The following ARPP21 variants were observed in gnomAD, a reference collection of about 807,000 sequenced individuals.
ARPP21 encodes cAMP-regulated phosphoprotein 21.
In ARPP21, 69 loss-of-function variants were observed where a neutral mutation model predicts 113.2. The observed-to-expected ratio is 0.61, with a 90% CI of 0.50 to 0.74. The LOEUF (loss-of-function observed/expected upper bound fraction) is 0.74, where lower values mean the gene tolerates loss of function less well. Ranked by LOEUF, ARPP21 falls within the 30% of genes least tolerant of loss-of-function variation. The probability of loss-of-function intolerance (pLI) is 0.00; values close to 1 mark genes in which losing one functional copy is unlikely to be tolerated. For synonymous variants in ARPP21, 368 were observed against 375.5 expected (o/e 0.98, Z 0.23); for missense variants, 1,070 against 1,037.4 (o/e 1.03, Z -0.43).
intron 1 of ARPP21, among the ~76,000 whole-genome samples, chr3:35,674,160 C>A (rs572660516): frequency 6.6e-6 from 1 of 151,978 alleles, no homozygotes; most frequent in Admixed American, 6.6e-5. Flanking sequence ...TAATAATGCC[C>A]AAACAAGAGT....
chr3:35,698,324 G>A (rs1044310923), intron 9 of ARPP21, among the ~76,000 whole-genome samples: 2 of 151,388 alleles, frequency 1.3e-5, no homozygotes, highest in Non-Finnish European at 3.0e-5. Context: ...AGGAACATAA[G>A]TTTGTCGTAT....
At chr3:35,732,809 A>G (rs907065504) in intron 15 of ARPP21, among the ~76,000 whole-genome samples, 17 of 152,174 alleles carry the variant, frequency 1.1e-4, no homozygotes, top group African/African-American at 4.1e-4. Context: ...AATGCTTCTG[A>G]TGGACTTCCA....
chr3:35,656,611 A>G (rs1705062359), intron 1 of ARPP21, among the ~76,000 whole-genome samples: 2 of 152,056 alleles, frequency 1.3e-5, no homozygotes, highest in South Asian at 4.1e-4. Context: ...TCAAAATGAT[A>G]AAACTATCAT....
intron 1 of ARPP21, among the ~76,000 whole-genome samples, chr3:35,674,738 T>C (rs1216509874): frequency 6.6e-6 from 1 of 151,830 alleles, no homozygotes; most frequent in Non-Finnish European, 1.5e-5. Flanking sequence ...GCATAATATT[T>C]AGAAACCCAA....
chr3:35,672,826 C>T (rs770216636), intron 1 of ARPP21, among the ~76,000 whole-genome samples: 11 of 151,998 alleles, frequency 7.2e-5, no homozygotes, highest in Admixed American at 7.2e-4. Context: ...ATAGGACAGG[C>T]AGACAGCTTG....
intron 19 of ARPP21, among the ~76,000 whole-genome samples, chr3:35,764,860 T>C (rs938736667): frequency 6.6e-6 from 1 of 152,130 alleles, no homozygotes; most frequent in Non-Finnish European, 1.5e-5. Flanking sequence ...TAGAGGAATA[T>C]AGAGGAATTT....
chr3:35,775,631 A>G (rs2096339573), intron 19 of ARPP21, among the ~76,000 whole-genome samples: 1 of 152,190 alleles, frequency 6.6e-6, no homozygotes, highest in Admixed American at 6.5e-5. Context: ...GTTTTATTAA[A>G]ACAAAGTTAG....
At chr3:35,701,923 A>T (rs749859339) in intron 9 of ARPP21, among the ~76,000 whole-genome samples, 19 of 151,742 alleles carry the variant, frequency 1.3e-4, no homozygotes, top group Non-Finnish European at 2.2e-4. Context: ...AATACATGCT[A>T]TGAAAGAGCA....
chr3:35,658,978 A>G (rs1459144243), intron 1 of ARPP21, among the ~76,000 whole-genome samples: 2 of 152,200 alleles, frequency 1.3e-5, no homozygotes, highest in African/African-American at 2.4e-5. Flanking sequence ...CTCTATCTTC[A>G]TCAGAGGCAT....
intron 1 of ARPP21, among the ~76,000 whole-genome samples, chr3:35,652,887 T>C (rs1204579778): frequency 6.6e-6 from 1 of 152,036 alleles, no homozygotes; most frequent in Non-Finnish European, 1.5e-5. Flanking sequence ...CTTGGCTTGC[T>C]CTTTCTGCAC....
At chr3:35,681,465 A>G (rs1294095901) in intron 2 of ARPP21, 1 of 290,580 alleles carries the variant, frequency 3.4e-6, no homozygotes, top group Non-Finnish European at 6.5e-6. Flanking sequence ...TGTGTCTCTA[A>G]GATTTGTCGA....
In ARPP21 at chr3:35,690,921, G is replaced by C. The variant is rs764145982; in HGVS notation, c.602G>C (p.Arg201Pro). The C allele has an allele frequency of 1.2e-6, 2 of 1,610,510 alleles. No homozygotes were observed. Among genetic ancestry groups the C allele is most frequent in the Admixed American group, 3.3e-5 (2 of 59,734 alleles). The change falls in exon 9 of 21, where the codon CGA becomes CCA. Residue 201 changes from arginine (R) to proline (P), a missense_variant. Coordinates refer to ENST00000684406, the MANE Select transcript of ARPP21 (RefSeq NM_001385562.1). Reference sequence around the variant, plus strand: ...TCGTATCAGAGGATGCTTGTCCATCGAGTGGCAGCTTATTTTGGATTGGAT... The same window carrying C: ...TCGTATCAGAGGATGCTTGTCCATCCAGTGGCAGCTTATTTTGGATTGGAT... The part of the protein sequence containing the change: ...MSSYQRMLVH[R>P]VAAYFGLDHN...
chr3:35,690,575 C>T (rs944410165), intron 8 of ARPP21, among the ~76,000 whole-genome samples: 9 of 151,440 alleles, frequency 5.9e-5, no homozygotes, highest in African/African-American at 9.7e-5. Flanking sequence ...TGCCTGGCCC[C>T]GTTGATAAGG....
At chr3:35,783,878 G>T (rs1020119907) in intron 19 of ARPP21, among the ~76,000 whole-genome samples, 1 of 152,006 alleles carries the variant, frequency 6.6e-6, no homozygotes, top group East Asian at 1.9e-4. Flanking sequence ...TGCACATGCT[G>T]ATCCTTATGT....
Position 35,657,249 on chromosome 3 carries a change from C to T in ARPP21, c.-213+16851C>T, listed in dbSNP as rs116739149. On this transcript the variant is annotated intron_variant, in intron 1 of 20. Transcript: ENST00000684406. ...TTACCTCCCACATATATGTACACGC[C>T]CTCAGAAATTGCCATCCATTCACAA... 5.6e-3 allele frequency among the ~76,000 whole-genome samples: 858 copies of T among 152,170 alleles called. 6 individuals are homozygous for T. Among genetic ancestry groups the T allele is most frequent in the African/African-American group, 0.02 (818 of 41,534 alleles).
intron 11 of ARPP21, among the ~76,000 whole-genome samples, chr3:35,711,354 T>C (rs888552834): frequency 2.0e-5 from 3 of 152,128 alleles, no homozygotes; most frequent in Admixed American, 6.6e-5. Flanking sequence ...CTATTGTATA[T>C]CATATTCTTA....
At chr3:35,681,016 A>G (rs184967286) in intron 2 of ARPP21, 3 of 151,982 alleles carry the variant, frequency 2.0e-5, no homozygotes, top group Admixed American at 2.0e-4. Context: ...TAGTTGGGAT[A>G]GCTTCACTAG....
intron 15 of ARPP21, among the ~76,000 whole-genome samples, chr3:35,736,321 T>G (rs1202053938): frequency 6.6e-6 from 1 of 152,182 alleles, no homozygotes; most frequent in East Asian, 1.9e-4. Flanking sequence ...TGCACTTTGC[T>G]CTTCTCCTTT....
chr3:35,736,533 C>T (rs1341188835), intron 15 of ARPP21, among the ~76,000 whole-genome samples: 1 of 152,130 alleles, frequency 6.6e-6, no homozygotes, highest in East Asian at 1.9e-4. Flanking sequence ...GCCATTATTT[C>T]ATAAGGCAAA....
Sources: gnomAD v4.1 joint callset for allele counts (sites outside exome capture counted in the v4.1 genomes callset) on GRCh38, gnomAD v4.1.1 for gene constraint, MANE v1.5 for transcripts, NCBI Gene and HGNC (gene_info 2026-07-23, HGNC 2026-07-21) for gene names.